The following CPA1 variants were observed in gnomAD, a reference collection of about 807,000 sequenced individuals.
The protein encoded by CPA1 is carboxypeptidase A1, also known as carboxypeptidase A1 (pancreatic).
A neutral mutation model predicts 48.7 loss-of-function variants in CPA1; 42 were observed. The observed-to-expected ratio is 0.86, with a 90% CI of 0.67 to 1.11. CPA1 has a LOEUF of 1.11. Ranked by LOEUF, CPA1 falls within the 50% of genes most tolerant of loss-of-function variation. The probability of loss-of-function intolerance (pLI) is 0.00; values close to 1 mark genes in which losing one functional copy is unlikely to be tolerated. For synonymous variants in CPA1, 203 were observed against 217.9 expected, an observed-to-expected ratio of 0.93 and a Z score of 0.60; for missense variants, 477 against 544.7, an observed-to-expected ratio of 0.88 and a Z score of 1.24.
chr7:130,387,729 C>T lies in CPA1; in HGVS notation c.1073-95C>T, dbSNP rs1312546857. 7 of 1,140,770 alleles carry T rather than the reference C, an allele frequency of 6.1e-6. No individual in the cohort carries two copies. Among genetic ancestry groups the T allele is most frequent in the Non-Finnish European group, 9.0e-6 (7 of 775,960 alleles). 70.7% of individuals were successfully genotyped at this position (1,140,770 alleles called of 1,614,324 possible). A position where few individuals can be genotyped will look rare whatever the true frequency, so the allele number is the denominator to read the frequency against. ...TGACTCCACTCAGCATTGCACAAGGCACAGAGCTTTGGACAGGGTTGGATC... is the reference window on the plus strand; with the variant it reads ...TGACTCCACTCAGCATTGCACAAGGTACAGAGCTTTGGACAGGGTTGGATC... On this transcript the variant is annotated intron_variant, in intron 9 of 9. Transcript: ENST00000011292. The surrounding 1 kb of genome is among the most constrained non-coding windows in gnomAD (Gnocchi z 4.6).
At chr7:130,384,152 T>A (rs1212029418) in intron 6 of CPA1, 4 of 430,152 alleles carry the variant, frequency 9.3e-6, no homozygotes, top group Admixed American at 3.8e-5. Context: ...CAGACCTTAC[T>A]TCCTGGTCCT....
chr7:130,385,240 G>A lies in CPA1; in HGVS notation c.882G>A (p.Lys294=), dbSNP rs374581557. ...TCAAGTCCATTGTAGACTTTGTGAA[G>A]GACCATGGGAACATCAAGGCCTTCA... ...VEVKSIVDFV[K]DHGNIKAFIS... Residue 294 remains lysine, a synonymous_variant, in exon 8 of 10, where the codon AAG becomes AAA. Transcript: ENST00000011292. 1 of 1,614,226 alleles carries A rather than the reference G, an allele frequency of 6.2e-7. No individual in the cohort carries two copies. The highest frequency in any genetic ancestry group is 8.5e-7 in the Non-Finnish European group (1 of 1,180,032).
Position 130,387,712 on chromosome 7 carries a change from C to G in CPA1, c.1073-112C>G. ...CAGACCTTAGTAGACACTGACTCCA[C>G]TCAGCATTGCACAAGGCACAGAGCT... is the stretch of plus-strand genomic sequence containing the variant. On this transcript the variant is annotated intron_variant, in intron 9 of 9. Coordinates refer to ENST00000011292, the MANE Select transcript of CPA1 (RefSeq NM_001868.4). This position sits in a 1 kb window ranked among gnomAD's most constrained non-coding sequence, Gnocchi z 4.6. 1.0e-6 allele frequency: 1 copy of G among 962,608 alleles called. No homozygotes were observed. The highest frequency in any genetic ancestry group is 1.6e-6 in the Non-Finnish European group (1 of 627,416). The allele number at this position is 962,608 out of a possible 1,614,324, so 59.6% of individuals were successfully genotyped here.
At chr7:130,380,753 G>C in intron 1 of CPA1, 168 bp downstream of exon 1, 1 of 486,604 alleles carries the variant, frequency 2.1e-6, no homozygotes, top group Non-Finnish European at 3.6e-6. Context: ...GGAAGAGGTT[G>C]TGTCTCCCAA....
Position 130,388,002 on chromosome 7 carries a change from C to A in CPA1, c.1251C>A (p.His417Gln), listed in dbSNP as rs782603710. 2 of 1,614,130 alleles carry A rather than the reference C, an allele frequency of 1.2e-6. No homozygotes were observed. Among genetic ancestry groups the A allele is most frequent in the Non-Finnish European group, 1.7e-6 (2 of 1,180,012 alleles). Reference protein sequence around the residue: ...LLTIMEHTLNHPY With the variant: ...LLTIMEHTLNQPY ...CCATCATGGAGCACACCCTGAATCA[C>A]CCCTACTGAGCTGACCCTTTGACAC... Residue 417 changes from histidine (H) to glutamine (Q), a missense_variant, in exon 10 of 10, where the codon CAC becomes CAA. Transcript: ENST00000011292.
chr7:130,380,822 G>GA (rs1796393901), intron 1 of CPA1: 1 of 565,904 alleles, frequency 1.8e-6, no homozygotes, highest in Non-Finnish European at 3.1e-6. Flanking sequence ...CAGGAGAGGA[G>GA]AAAGGAGGAG....
chr7:130,384,019 C>T (rs1796440941), intron 6 of CPA1: 1 of 568,986 alleles, frequency 1.8e-6, no homozygotes, highest in Non-Finnish European at 3.1e-6. Context: ...AGCATCCTAA[C>T]CTTACACCCA....
chr7:130,387,985 G>C lies in CPA1; in HGVS notation c.1234G>C (p.Glu412Gln). Residue 412 changes from glutamate (E) to glutamine (Q), a missense_variant, in exon 10 of 10, where the codon GAG (glutamate) becomes CAG (glutamine). Coordinates refer to ENST00000011292, the MANE Select transcript of CPA1 (RefSeq NM_001868.4). The surrounding 1 kb of genome is among the most constrained non-coding windows in gnomAD (Gnocchi z 4.6). ...GTGGCTGGCGCTTCTGACCATCATG[G>C]AGCACACCCTGAATCACCCCTACTG... ...ETWLALLTIM[E>Q]HTLNHPY is the part of the protein sequence containing the mutation. The C allele has an allele frequency of 6.8e-6, 11 of 1,614,076 alleles. No homozygotes were observed. Among genetic ancestry groups the C allele is most frequent in the Non-Finnish European group, 9.3e-6 (11 of 1,180,028 alleles).
In CPA1 at chr7:130,381,804, C is replaced by G. The variant is rs141886698; in HGVS notation, c.322C>G (p.Arg108Gly). 2 of 1,614,086 alleles carry G rather than the reference C, an allele frequency of 1.2e-6. No individual in the cohort carries two copies. The highest frequency in any genetic ancestry group is 3.3e-5 in the Admixed American group (2 of 60,026). Residue 108 changes from arginine (R) to glycine (G), a missense_variant, in exon 3 of 10, where the codon CGG (arginine) becomes GGG (glycine). By Grantham distance (125) the Arg-to-Gly change is moderately radical. Coordinates refer to ENST00000011292, the MANE Select transcript of CPA1 (RefSeq NM_001868.4). ...DEEQEQMFAFRSRARSTDTFN... is the reference protein window; with the variant it reads ...DEEQEQMFAFGSRARSTDTFN... ...GGAGCAGGAGCAGATGTTCGCCTTC[C>G]GGTCCCGGGCGCGCTCCACCGACAC...
chr7:130,382,870 C>T (rs113897136), intron 4 of CPA1, among the ~76,000 whole-genome samples: 324 of 151,970 alleles, frequency 2.1e-3, no homozygotes, highest in African/African-American at 7.3e-3. Context: ...GTCTCGATCT[C>T]CTGACCTTGT....
rs1796407455 is a variant in CPA1 at position 130,381,728 on chromosome 7, C to T, written c.246C>T (p.His82=). 2 of 1,614,142 alleles carry T rather than the reference C, an allele frequency of 1.2e-6. No individual in the cohort carries two copies. Among genetic ancestry groups the T allele is most frequent in the Non-Finnish European group, 1.7e-6 (2 of 1,180,016 alleles). ...CGGTCAAGATCTTTCTGGAGTCCCA[C>T]GGCATCAGCTATGAGACCATGATCG... ...IQAVKIFLES[H]GISYETMIED... The change falls in exon 3 of 10, where the codon CAC becomes CAT. Residue 82 remains histidine (H), a synonymous_variant. Coordinates refer to ENST00000011292, the MANE Select transcript of CPA1 (RefSeq NM_001868.4).
rs782721615 is a variant in CPA1 at position 130,383,751 on chromosome 7, A to G, written c.653A>G (p.Glu218Gly). The G allele has an allele frequency of 1.2e-6, 2 of 1,614,192 alleles. No individual in the cohort carries two copies. The highest frequency in any genetic ancestry group is 1.7e-6 in the Non-Finnish European group (2 of 1,180,028). The change falls in exon 6 of 10, where the codon GAG becomes GGG. Residue 218 changes from glutamate to glycine, a missense_variant. Transcript: ENST00000011292. The stretch of plus-strand genomic sequence containing the variant: ...CTCGACACCTTGGACATCTTCCTGG[A>G]GATCGTCACCAACCCTGATGGCTTT... ...AILDTLDIFLEIVTNPDGFAF... is the reference protein window; with the variant it reads ...AILDTLDIFLGIVTNPDGFAF...
At chr7:130,381,255 T>A (rs1796400301) in intron 2 of CPA1, 76 bp downstream of exon 2, 3 of 1,047,290 alleles carry the variant, frequency 2.9e-6, no homozygotes, top group Non-Finnish European at 2.8e-6. Flanking sequence ...AGCGGCCAAC[T>A]GTGCCTGGGC....
At chr7:130,385,647 G>A (rs1319695444) in intron 8 of CPA1, among the ~76,000 whole-genome samples, 192 bp from the exon 9 acceptor site, 1 of 152,208 alleles carries the variant, frequency 6.6e-6, no homozygotes, top group African/African-American at 2.4e-5. Flanking sequence ...CGGACACCCT[G>A]AAGGGCCAGA....
chr7:130,382,172 G>C lies in CPA1; in HGVS notation c.446G>C (p.Gly149Ala), dbSNP rs782168130. Residue 149 changes from glycine (G) to alanine (A), a missense_variant, in exon 4 of 10, where the codon GGC becomes GCC. Physicochemically the swap from Gly to Ala is moderately conservative, Grantham distance 60. Coordinates refer to ENST00000011292, the MANE Select transcript of CPA1 (RefSeq NM_001868.4). ...CACCTTGTCAGCAAGATCCAGATTG[G>C]CAACACCTATGAAGGGCGTCCCATT... ...NPHLVSKIQIGNTYEGRPIYV... is the reference protein window; with the variant it reads ...NPHLVSKIQIANTYEGRPIYV... 1.7e-5 allele frequency: 28 copies of C among 1,614,102 alleles called. No homozygotes were observed. In the Admixed American group the frequency reaches 4.7e-4, roughly 27 times the overall value.
intron 6 of CPA1, 36 bp from the exon 7 acceptor site, chr7:130,384,500 G>A (rs192954083): frequency 4.0e-5 from 64 of 1,582,532 alleles, no homozygotes; most frequent in Admixed American, 3.2e-4. Flanking sequence ...AGCGTCACAC[G>A]TGCCTCGGGG....
Position 130,381,826 on chromosome 7 carries a change from A to G in CPA1, c.344A>G (p.Asp115Gly). The change falls in exon 3 of 10, where the codon GAC (aspartate) becomes GGC (glycine). Residue 115 changes from aspartate to glycine, a missense_variant. By Grantham distance (94) the Asp-to-Gly change is moderately conservative. Transcript: ENST00000011292. Reference protein sequence around the residue: ...FAFRSRARSTDTFNYATYHTL... With the variant: ...FAFRSRARSTGTFNYATYHTL... ...TTCCGGTCCCGGGCGCGCTCCACCG[A>G]CACTTTTAACTACGCCACCTACCAC... 4 of 1,614,060 alleles carry G rather than the reference A, an allele frequency of 2.5e-6. No individual in the cohort carries two copies. Among genetic ancestry groups the G allele is most frequent in the Non-Finnish European group, 2.5e-6 (3 of 1,180,016 alleles).
chr7:130,383,877 A>G, intron 6 of CPA1, 83 bp downstream of exon 6: 2 of 1,026,584 alleles, frequency 1.9e-6, no homozygotes, highest in Non-Finnish European at 3.1e-6. Flanking sequence ...CCTAATCTCA[A>G]GCCCCAGAAG....
Position 130,385,305 on chromosome 7 carries a change from A to G in CPA1, c.947A>G (p.Tyr316Cys), listed in dbSNP as rs199883384. The G allele has an allele frequency of 5.0e-6, 8 of 1,614,172 alleles. No individual in the cohort carries two copies. Among genetic ancestry groups the G allele is most frequent in the East Asian group, 2.2e-5 (1 of 44,876 alleles). ...HSYSQLLMYP[Y>C]GYKTEPVPDQ... ...TACTCCCAGCTCCTCATGTATCCCT[A>G]TGGCTACAAAACAGAACCAGTCCCT... is the stretch of plus-strand genomic sequence containing the variant. The change falls in exon 8 of 10, where the codon TAT (tyrosine) becomes TGT (cysteine). Residue 316 changes from tyrosine to cysteine, a missense_variant. Coordinates refer to ENST00000011292, the MANE Select transcript of CPA1 (RefSeq NM_001868.4).
Sources: gnomAD v4.1 joint callset for allele counts (sites outside exome capture counted in the v4.1 genomes callset) on GRCh38, gnomAD v4.1.1 for gene constraint, Gnocchi (gnomAD v3.1) non-coding constraint, MANE v1.5 for transcripts, NCBI Gene and HGNC (gene_info 2026-07-23, HGNC 2026-07-21) for gene names.